The following SCN2A variants were observed in gnomAD, a reference collection of about 807,000 sequenced individuals.
SCN2A encodes the protein sodium voltage-gated channel alpha subunit 2, also known as sodium channel protein type 2 subunit alpha.
SCN2A carries 20 observed loss-of-function variants against 188.7 expected under a neutral mutation model. The ratio of observed to expected loss-of-function variants is 0.11; its 90% CI spans 0.07 to 0.15. SCN2A has a LOEUF of 0.15. SCN2A is among the 10% of genes least tolerant of loss of function. SCN2A has a pLI of 1.00. For missense variants in SCN2A, 1,278 were observed against 2,445.0 expected (o/e 0.52, Z 10.07); for synonymous variants, 804 against 833.1 (o/e 0.97, Z 0.60).
chr2:165,345,051 GTA>G, intron 16 of SCN2A, 140 bp downstream of exon 16: 1 of 1,063,706 alleles, frequency 9.4e-7, no homozygotes, highest in South Asian at 1.5e-5. Flanking sequence ...TAAGAGCCAT[GTA>G]TAGTTTAGAC....
intron 1 of SCN2A, among the ~76,000 whole-genome samples, chr2:165,291,233 G>A (rs1464803665): frequency 6.6e-6 from 1 of 151,088 alleles, no homozygotes; most frequent in Admixed American, 6.6e-5. Flanking sequence ...TAGTAGAGAT[G>A]GGGTTTCATC....
At chr2:165,266,438 C>A (rs2106096864) in intron 1 of SCN2A, 1 of 152,188 alleles carries the variant, frequency 6.6e-6, no homozygotes, top group African/African-American at 2.4e-5. Context: ...AATTGAGCTT[C>A]AAAGAAGATG....
intron 25 of SCN2A, among the ~76,000 whole-genome samples, chr2:165,385,130 C>A (rs185208944): frequency 3.9e-5 from 6 of 151,960 alleles, no homozygotes; most frequent in Non-Finnish European, 7.4e-5. Flanking sequence ...TGTTTGATGT[C>A]CAAAAATCAC....
At chr2:165,338,943 G>T (rs969308824) in intron 14 of SCN2A, among the ~76,000 whole-genome samples, 8 of 152,094 alleles carry the variant, frequency 5.3e-5, no homozygotes, top group Admixed American at 4.6e-4. Flanking sequence ...ACATCTAGCC[G>T]GGCGTGGAGG....
intron 14 of SCN2A, among the ~76,000 whole-genome samples, chr2:165,341,998 A>G (rs761213583): frequency 2.0e-5 from 3 of 152,174 alleles, no homozygotes; most frequent in Non-Finnish European, 4.4e-5. Context: ...GAGGGCTAGA[A>G]AGATCAGAGA....
chr2:165,374,339 G>C (rs1045442905), intron 21 of SCN2A, among the ~76,000 whole-genome samples: 5 of 151,998 alleles, frequency 3.3e-5, no homozygotes, highest in African/African-American at 1.2e-4. Context: ...AAATTGTATG[G>C]TTTGTATGAT....
At chr2:165,377,721 TATTGTC>T (rs1378294556) in intron 23 of SCN2A, 71 bp downstream of exon 23, 8 of 1,221,620 alleles carry the variant, frequency 6.5e-6, no homozygotes, top group Non-Finnish European at 9.5e-6. Flanking sequence ...AATTTAGTGA[TATTGTC>T]AATAAAATAA....
chr2:165,327,155 ATTTT>A, intron 13 of SCN2A, 171 bp downstream of exon 13: 1 of 647,528 alleles, frequency 1.5e-6, no homozygotes, highest in Non-Finnish European at 2.5e-6. Flanking sequence ...TCTTCCACAG[ATTTT>A]TTTTTTTTAT....
intron 1 of SCN2A, among the ~76,000 whole-genome samples, chr2:165,286,272 C>T (rs751126614): frequency 2.5e-4 from 38 of 152,036 alleles, no homozygotes; most frequent in Non-Finnish European, 4.7e-4. Context: ...GGTTAGTTCA[C>T]CTGGGAAACA....
intron 1 of SCN2A, among the ~76,000 whole-genome samples, chr2:165,246,409 C>A (rs1281517081): frequency 1.3e-5 from 2 of 152,068 alleles, no homozygotes; most frequent in Non-Finnish European, 2.9e-5. Flanking sequence ...TATCTTGAAA[C>A]TCTTCATGGC....
chr2:165,262,026 T>C (rs1426278698), intron 1 of SCN2A, among the ~76,000 whole-genome samples: 1 of 152,154 alleles, frequency 6.6e-6, no homozygotes, highest in Non-Finnish European at 1.5e-5. Context: ...CTGGGAAAGG[T>C]AAAAGGATAC....
At chr2:165,326,550 G>T (rs1489757789) in intron 12 of SCN2A, among the ~76,000 whole-genome samples, 1 of 152,124 alleles carries the variant, frequency 6.6e-6, no homozygotes, top group African/African-American at 2.4e-5. Context: ...GTCCTAAGTG[G>T]GATTGGCTGA....
rs553128369 is a variant in SCN2A, at chr2:165,355,144, A to G, written c.3399+473A>G. Among the ~76,000 whole-genome samples the G allele has an allele frequency of 8.5e-5, 13 of 152,308 alleles. No individual in the cohort carries two copies. In the East Asian group the frequency reaches 2.5e-3, roughly 29 times the overall value. ...TTTGTTTGCACAGACATATTTACTC[A>G]AGGAAGATCTGATTGGGATCTTGGC... On this transcript the variant is annotated intron_variant, in intron 17 of 26. Coordinates refer to ENST00000375437, the MANE Select transcript of SCN2A (RefSeq NM_001040142.2).
chr2:165,353,555 G>A (rs528788002), intron 16 of SCN2A, among the ~76,000 whole-genome samples: 2 of 152,286 alleles, frequency 1.3e-5, no homozygotes, highest in South Asian at 4.1e-4. Flanking sequence ...TTAGCTCATG[G>A]TTCTGCAGTG....
At chr2:165,327,708 T>A (rs1383143891) in intron 13 of SCN2A, 1 of 152,310 alleles carries the variant, frequency 6.6e-6, no homozygotes, top group East Asian at 1.9e-4. Flanking sequence ...ATGGATTAAA[T>A]AAGCCTTCTT....
intron 25 of SCN2A, among the ~76,000 whole-genome samples, chr2:165,384,534 A>G (rs1701766223): frequency 6.6e-6 from 1 of 152,114 alleles, no homozygotes; most frequent in Admixed American, 6.6e-5. Flanking sequence ...TTTATTAGTC[A>G]TGGTGATATT....
At chr2:165,341,957 C>T (rs1395836279) in intron 14 of SCN2A, among the ~76,000 whole-genome samples, 1 of 152,106 alleles carries the variant, frequency 6.6e-6, no homozygotes, top group Non-Finnish European at 1.5e-5. Context: ...TGGAAGCCCG[C>T]ACTGCTAGGT....
rs150369313 is a variant in SCN2A, at chr2:165,354,467, C to A, written c.3195C>A (p.Leu1065=). ...CCACCATAGAAATAGGCAAAGACCT[C>A]AATTATCTCAAAGACGGAAATGGAA... ...NHTTIEIGKD[L]NYLKDGNGTT... Residue 1065 remains leucine (L), a synonymous_variant, in exon 17 of 27, where the codon CTC becomes CTA. Coordinates refer to ENST00000375437, the MANE Select transcript of SCN2A (RefSeq NM_001040142.2). 5 of 1,613,898 alleles carry A rather than the reference C, an allele frequency of 3.1e-6. No homozygotes were observed. In the African/African-American group the frequency reaches 6.7e-5, roughly 22 times the overall value.
chr2:165,378,189 T>C (rs1184285417), intron 23 of SCN2A, among the ~76,000 whole-genome samples: 1 of 146,888 alleles, frequency 6.8e-6, no homozygotes, highest in African/African-American at 2.5e-5. Flanking sequence ...TTTCTCACTA[T>C]TTAATGAGGA....
Sources: gnomAD v4.1 joint callset for allele counts (sites outside exome capture counted in the v4.1 genomes callset) on GRCh38, gnomAD v4.1.1 for gene constraint, MANE v1.5 for transcripts, NCBI Gene and HGNC (gene_info 2026-07-23, HGNC 2026-07-21) for gene names.